Variants in RAB6A observed in about 807,000 individuals in gnomAD.
The protein encoded by RAB6A is RAB6A, member RAS oncogene family.
RAB6A carries 8 observed loss-of-function variants against 32.3 expected under a neutral mutation model. The observed-to-expected ratio is 0.25, with a 90% CI of 0.15 to 0.45. RAB6A has a LOEUF of 0.45. Among genes scored for constraint, RAB6A ranks in the 20% least tolerant of loss-of-function variants. The pLI is 1.00. For missense variants in RAB6A, 104 were observed against 249.4 expected, an observed-to-expected ratio of 0.42 and a Z score of 3.93; for synonymous variants, 73 against 82.1, an observed-to-expected ratio of 0.89 and a Z score of 0.60.
At chr11:73,678,416 A>C (rs1046350903) in intron 7 of RAB6A, among the ~76,000 whole-genome samples, 3 of 152,186 alleles carry the variant, frequency 2.0e-5, no homozygotes, top group African/African-American at 7.2e-5. Context: ...CAGGAGTTCA[A>C]GACCAGCCTG....
intron 1 of RAB6A, among the ~76,000 whole-genome samples, chr11:73,757,010 G>A (rs1317568847): frequency 6.9e-6 from 1 of 143,980 alleles, no homozygotes; most frequent in African/African-American, 2.6e-5. Flanking sequence ...ATTTATCTAA[G>A]GTTAAGATTG....
intron 6 of RAB6A, among the ~76,000 whole-genome samples, chr11:73,698,849 ATTT>A (rs555410867): frequency 4.2e-5 from 5 of 118,268 alleles, no homozygotes; most frequent in Non-Finnish European, 6.6e-5. Context: ...TTTTTTTGCG[ATTT>A]TTTTTTTTTT....
At chr11:73,744,707 T>C (rs1222642722) in intron 1 of RAB6A, among the ~76,000 whole-genome samples, 1 of 152,148 alleles carries the variant, frequency 6.6e-6, no homozygotes, top group Non-Finnish European at 1.5e-5. Context: ...CTGGGCGCGG[T>C]GGCTTACGCC....
chr11:73,752,181 G>A (rs1946678981), intron 1 of RAB6A, among the ~76,000 whole-genome samples: 1 of 152,188 alleles, frequency 6.6e-6, no homozygotes, highest in South Asian at 2.1e-4. Context: ...ACAGAAGGCT[G>A]GGTGTGGTGA....
chr11:73,734,001 T>C (rs904402161), intron 1 of RAB6A, among the ~76,000 whole-genome samples: 4 of 152,174 alleles, frequency 2.6e-5, no homozygotes, highest in Admixed American at 2.0e-4. Context: ...TCATTCCCAA[T>C]AAAAAGTGTA....
At chr11:73,720,471 C>T (rs767772595) in intron 3 of RAB6A, among the ~76,000 whole-genome samples, 3 of 152,068 alleles carry the variant, frequency 2.0e-5, no homozygotes, top group East Asian at 3.9e-4. Context: ...TGTGAGCCAC[C>T]GCACCCTGCC....
intron 1 of RAB6A, among the ~76,000 whole-genome samples, chr11:73,757,100 T>TACATATATATAC (rs1211278255): frequency 7.0e-5 from 2 of 28,580 alleles, no homozygotes; most frequent in South Asian, 1.8e-3. Context: ...TATACATACA[T>TACATATATATAC]ATATATATAT....
chr11:73,703,016 C>T (rs1037909150), intron 6 of RAB6A, among the ~76,000 whole-genome samples: 2 of 151,818 alleles, frequency 1.3e-5, no homozygotes, highest in Non-Finnish European at 2.9e-5. Flanking sequence ...GAGACCACAT[C>T]CAGCTAATTT....
At chr11:73,688,474 G>A (rs1025584710) in intron 6 of RAB6A, among the ~76,000 whole-genome samples, 1 of 152,144 alleles carries the variant, frequency 6.6e-6, no homozygotes, top group Non-Finnish European at 1.5e-5. Flanking sequence ...AAAATACAAT[G>A]AATTAGTCTC....
intron 1 of RAB6A, among the ~76,000 whole-genome samples, chr11:73,740,351 T>C (rs1014383244): frequency 3.3e-5 from 5 of 152,162 alleles, no homozygotes; most frequent in African/African-American, 1.2e-4. Flanking sequence ...TTGAGAAAAG[T>C]ACCTAGGGAT....
At chr11:73,681,271 AAAGT>A (rs1945351793) in intron 6 of RAB6A, among the ~76,000 whole-genome samples, 6 of 152,344 alleles carry the variant, frequency 3.9e-5, no homozygotes, top group Admixed American at 3.9e-4. Context: ...TGCTACAAAC[AAAGT>A]AAGTTTAAAA....
intron 5 of RAB6A, among the ~76,000 whole-genome samples, chr11:73,708,970 CTGT>C (rs1382764011): frequency 6.6e-6 from 1 of 152,202 alleles, no homozygotes; most frequent in Non-Finnish European, 1.5e-5. Context: ...AACACTCCAA[CTGT>C]TAAGATTTTA....
intron 1 of RAB6A, among the ~76,000 whole-genome samples, chr11:73,735,546 C>G (rs1946380393): frequency 6.6e-6 from 1 of 151,912 alleles, no homozygotes; most frequent in Non-Finnish European, 1.5e-5. Context: ...GAAAAACTTT[C>G]CAGAGAAAAA....
intron 6 of RAB6A, among the ~76,000 whole-genome samples, chr11:73,700,618 G>A (rs895811751): frequency 1.2e-4 from 13 of 112,752 alleles, no homozygotes; most frequent in Admixed American, 7.1e-4. Context: ...GTGGGGGGGG[G>A]GGGGGGAGGA....
At chr11:73,712,535 G>C (rs189696527) in intron 5 of RAB6A, among the ~76,000 whole-genome samples, 36 of 152,042 alleles carry the variant, frequency 2.4e-4, no homozygotes, top group African/African-American at 8.4e-4. Context: ...ATTTTTAGTA[G>C]AGACGAGGTT....
Position 73,745,047 on chromosome 11 carries a change from G to C in RAB6A, c.71-14224C>G, listed in dbSNP as rs759941301. On this transcript the variant is annotated intron_variant, in intron 1 of 7. Transcript: ENST00000336083. ...TACTAGCACAAGACTCACTTTATCAGCATTATTTCACTCAAACACTTAAGT... is the reference window on the plus strand; with the variant it reads ...TACTAGCACAAGACTCACTTTATCACCATTATTTCACTCAAACACTTAAGT... Among the ~76,000 whole-genome samples, 31 of 151,104 alleles carry C rather than the reference G, an allele frequency of 2.1e-4. 1 individual carries two copies. Among genetic ancestry groups the C allele is most frequent in the Admixed American group, 4.0e-4 (6 of 15,148 alleles).
chr11:73,707,613 T>A, intron 5 of RAB6A, 100 bp from the exon 6 acceptor site: 1 of 807,664 alleles, frequency 1.2e-6, no homozygotes, highest in Non-Finnish European at 2.0e-6. Flanking sequence ...ATATAAGGAC[T>A]GGTTATACAG....
At position 73,676,559 on chromosome 11, in the gene RAB6A, C is replaced by T. The variant is rs1052464660; in HGVS notation, c.*1339G>A. 6.6e-5 allele frequency: 11 copies of T among 166,128 alleles called. No individual in the cohort carries two copies. The highest frequency in any genetic ancestry group is 3.3e-4 in the Admixed American group (5 of 15,226). 10.3% of individuals were successfully genotyped at this position (166,128 alleles called of 1,614,324 possible). A position where few individuals can be genotyped will look rare whatever the true frequency, so the allele number is the denominator to read the frequency against. ...GTAGCTTAAATATAAAACTAAATCA[C>T]CAGTTAATTAAACTATACAGATCTA... On this transcript the variant is annotated 3_prime_UTR_variant, in exon 8 of 8. Transcript: ENST00000336083.
At chr11:73,692,964 CAAAA>C (rs1945598948) in intron 6 of RAB6A, among the ~76,000 whole-genome samples, 2 of 41,580 alleles carry the variant, frequency 4.8e-5, no homozygotes, top group Admixed American at 6.8e-4. Flanking sequence ...GTCTCAAAAA[CAAAA>C]CAAAACAAAA....
Sources: allele counts gnomAD v4.1 joint callset (sites outside exome capture counted in the v4.1 genomes callset), GRCh38; gene constraint gnomAD v4.1.1; transcripts MANE v1.5; gene names NCBI Gene and HGNC (gene_info 2026-07-23, HGNC 2026-07-21).